KLK8: variants seen among roughly 807,000 people sequenced by gnomAD.
KLK8 encodes kallikrein related peptidase 8, also known as kallikrein-8.
A neutral mutation model predicts 26.7 loss-of-function variants in KLK8; 18 were observed. That is an observed-to-expected ratio of 0.67 (90% CI 0.47 to 1.00). The LOEUF is 1.00. Ranked by LOEUF, KLK8 falls within the 50% of genes least tolerant of loss-of-function variation. The pLI, the probability that KLK8 is intolerant of heterozygous loss-of-function variation, is 0.00. For missense variants in KLK8, 301 were observed against 331.7 expected (o/e 0.91, Z 0.72); for synonymous variants, 137 against 127.1 (o/e 1.08, Z -0.52).
At chr19:50,997,446 C>A (rs1172383888) in intron 6 of KLK8, among the ~76,000 whole-genome samples, 1 of 152,212 alleles carries the variant, frequency 6.6e-6, no homozygotes, top group African/African-American at 2.4e-5. Flanking sequence ...TAGCCTCAGA[C>A]TCTCTCCTTG....
At chr19:51,000,235 T>A (rs955205585) in exon 5 of KLK8, 1 of 1,594,898 alleles carries the variant, frequency 6.3e-7, no homozygotes, top group Non-Finnish European at 8.6e-7. Flanking sequence ...TAGGCTGTGG[T>A]CTCCCAGGCG....
chr19:50,997,716 G>A, intron 6 of KLK8, 35 bp downstream of exon 5: 12 of 1,612,328 alleles, frequency 7.4e-6, no homozygotes, highest in South Asian at 4.4e-5. Context: ...GGCAATGAGG[G>A]ATGTGTGAGG....
rs752336352 is a variant in KLK8 at position 51,000,289 on chromosome 19, G to T, written c.231-31C>A. On this transcript the variant is annotated intron_variant, in intron 4 of 6. Transcript: ENST00000600767. ...ATGGTGGGGATAGTTTGGGACCCAG[G>T]CAGGGGTATTGCCCCCAGCCCCCTC... is the stretch of plus-strand genomic sequence containing the variant. The T allele has an allele frequency of 1.5e-5, 24 of 1,555,058 alleles. No individual in the cohort carries two copies. In the South Asian group the frequency reaches 2.9e-4, roughly 19 times the overall value.
At chr19:51,001,168 G>T in exon 3 of KLK8, 1 of 1,612,616 alleles carries the variant, frequency 6.2e-7, no homozygotes, top group Non-Finnish European at 8.5e-7. Flanking sequence ...GGCGTCCCAT[G>T]GTGAGGTCTG....
chr19:50,996,156 C>T, exon 7 of KLK8: 1 of 1,614,166 alleles, frequency 6.2e-7, no homozygotes, highest in Non-Finnish European at 8.5e-7. Flanking sequence ...GGGGTCTGAG[C>T]CCCAGGATGT....
At chr19:51,000,064 G>C in exon 5 of KLK8, 1 of 1,613,882 alleles carries the variant, frequency 6.2e-7, no homozygotes, top group Non-Finnish European at 8.5e-7. Flanking sequence ...GCAATGATCT[G>C]CCAGGCTGAT....
At chr19:51,001,266 T>C in intron 2 of KLK8, 91 bp from the exon 2 acceptor site, 1 of 1,073,620 alleles carries the variant, frequency 9.3e-7, no homozygotes, top group Non-Finnish European at 1.4e-6. Flanking sequence ...CAGCCGAGAG[T>C]ATCTGGGGCT....
exon 7 of KLK8, chr19:50,996,170 G>A (rs761157379): frequency 6.2e-7 from 1 of 1,614,210 alleles, no homozygotes; most frequent in Non-Finnish European, 8.5e-7. Context: ...AGGATGTGAT[G>A]CCCTGGAGTG....
chr19:51,000,762 A>T, intron 3 of KLK8, 179 bp from the exon 3 acceptor site: 1 of 1,508,632 alleles, frequency 6.6e-7, no homozygotes, highest in Non-Finnish European at 8.9e-7. Context: ...GTCATCATAC[A>T]AGAGTCACAC....
chr19:50,997,700 C>T (rs368855240), intron 6 of KLK8, 51 bp downstream of exon 5: 9 of 1,604,684 alleles, frequency 5.6e-6, no homozygotes, highest in South Asian at 3.3e-5. Context: ...CCTTGAACCT[C>T]GAGAGGGCAA....
chr19:51,000,258 C>T (rs2091209453), exon 5 of KLK8: 2 of 1,578,728 alleles, frequency 1.3e-6, no homozygotes, highest in African/African-American at 2.7e-5. Context: ...CTGTGTATTT[C>T]CTGTAATGGT....
chr19:50,999,999 G>T (rs141364459), exon 5 of KLK8: 1 of 1,592,884 alleles, frequency 6.3e-7, no homozygotes, highest in Admixed American at 1.7e-5. Context: ...CCACTACCTC[G>T]GGGACTGGTG....
chr19:50,996,016 G>C, exon 7 of KLK8: 1 of 1,602,208 alleles, frequency 6.2e-7, no homozygotes, highest in Non-Finnish European at 8.5e-7. Context: ...AGGAACCAGA[G>C]AGTTGTGAGT....
chr19:50,996,880 C>A, intron 6 of KLK8, among the ~76,000 whole-genome samples: 1 of 142,490 alleles, frequency 7.0e-6, no homozygotes. Context: ...GAGAAAGGAT[C>A]AAGATTCTTA....
chr19:51,000,012 A>C, exon 5 of KLK8: 1 of 1,596,368 alleles, frequency 6.3e-7, no homozygotes, highest in East Asian at 2.3e-5. Flanking sequence ...GACTGGTGAC[A>C]GTGCCCCAGC....
intron 3 of KLK8, 53 bp from the exon 3 acceptor site, chr19:51,000,636 C>T: frequency 1.3e-6 from 2 of 1,599,120 alleles, no homozygotes; most frequent in Non-Finnish European, 8.6e-7. Context: ...AGTGCGAGGG[C>T]TGGGAAGGCC....
chr19:50,999,448 G>A (rs146533591), intron 5 of KLK8, among the ~76,000 whole-genome samples: 2,121 of 151,150 alleles, frequency 0.014, 39 homozygotes, highest in African/African-American at 0.048. Flanking sequence ...GCGTGGTGGC[G>A]GGTGCCTGTA....
In KLK8 at chr19:51,001,526, C is replaced by T. The variant is rs757159995; in HGVS notation, c.-9+6G>A. The T allele has an allele frequency of 4.4e-6, 1 of 225,140 alleles. No homozygotes were observed. The allele number at this position is 225,140 out of a possible 1,614,324, so 13.9% of individuals were successfully genotyped here. ...ATGTCTGTATCTGAGTACCTCTGCA[C>T]CTCACCTTCCAGAATCCAGGGGCGG... On this transcript the variant is annotated splice_donor_region_variant and intron_variant, in intron 2 of 6. Coordinates refer to ENST00000600767, the Ensembl canonical transcript of KLK8.
intron 5 of KLK8, among the ~76,000 whole-genome samples, chr19:50,999,583 CAAAAAAAA>C (rs56988162): frequency 1.7e-4 from 5 of 30,290 alleles, no homozygotes; most frequent in Non-Finnish European, 2.8e-4. Context: ...TGTCCCCCTG[CAAAAAAAA>C]AAAAAAAAAA....
Sources: gnomAD v4.1 joint callset for allele counts (sites outside exome capture counted in the v4.1 genomes callset) on GRCh38, gnomAD v4.1.1 for gene constraint, MANE v1.5 for transcripts, NCBI Gene and HGNC (gene_info 2026-07-23, HGNC 2026-07-21) for gene names.